Variants in IFT56 observed in about 807,000 individuals in gnomAD.
IFT56 encodes intraflagellar transport protein 56.
the IFT56 span, among the ~76,000 whole-genome samples, chr7:139,161,842 T>C: frequency 6.6e-6 from 1 of 152,218 alleles, no homozygotes; most frequent in Admixed American, 6.5e-5. Context: ...ATTTGGATAG[T>C]TACTACTATG....
chr7:139,178,358 G>A, the IFT56 span: 1 of 1,511,332 alleles, frequency 6.6e-7, no homozygotes, highest in African/African-American at 1.4e-5. Flanking sequence ...GAATGTGTCA[G>A]AGAAGATAAG....
At chr7:139,184,118 C>T in the IFT56 span, among the ~76,000 whole-genome samples, 1 of 152,204 alleles carries the variant, frequency 6.6e-6, no homozygotes, top group South Asian at 2.1e-4. Flanking sequence ...AGCCCCTGCC[C>T]ATGCACAGGA....
chr7:139,134,585 GA>G, the IFT56 span: 2 of 1,496,978 alleles, frequency 1.3e-6, no homozygotes, highest in Non-Finnish European at 1.8e-6. Flanking sequence ...ATAAATTACA[GA>G]GCTGTCACTC....
the IFT56 span, chr7:139,189,342 C>T: frequency 0.011 from 17,568 of 1,611,130 alleles, 189 homozygotes; most frequent in African/African-American, 0.031. Flanking sequence ...GAGAAGTGCT[C>T]CATTTACTGA....
the IFT56 span, among the ~76,000 whole-genome samples, chr7:139,151,612 T>C: frequency 4.6e-5 from 7 of 152,184 alleles, no homozygotes; most frequent in Non-Finnish European, 7.4e-5. Context: ...TGTAGGTTCT[T>C]GTGAAGATTA....
At chr7:139,189,610 G>A in the IFT56 span, 3 of 529,124 alleles carry the variant, frequency 5.7e-6, no homozygotes, top group Non-Finnish European at 1.0e-5. Context: ...TGAACAGAGT[G>A]CCATAGTCTG....
chr7:139,149,616 A>G, the IFT56 span, among the ~76,000 whole-genome samples: 1 of 152,208 alleles, frequency 6.6e-6, no homozygotes, highest in Non-Finnish European at 1.5e-5. Context: ...TCTGCTTGGT[A>G]CACGTCAACA....
chr7:139,135,984 C>T, the IFT56 span, among the ~76,000 whole-genome samples: 4 of 151,602 alleles, frequency 2.6e-5, no homozygotes, highest in East Asian at 5.8e-4. Flanking sequence ...AGTGCAATGG[C>T]GCAATCTCAG....
At chr7:139,182,614 G>A in the IFT56 span, among the ~76,000 whole-genome samples, 1 of 152,154 alleles carries the variant, frequency 6.6e-6, no homozygotes, top group Non-Finnish European at 1.5e-5. Flanking sequence ...AGATTTAGAA[G>A]TTAACCGTAG....
the IFT56 span, among the ~76,000 whole-genome samples, chr7:139,141,041 A>G: frequency 6.6e-6 from 1 of 150,826 alleles, no homozygotes; most frequent in African/African-American, 2.5e-5. Flanking sequence ...TGGGCGGATC[A>G]CGAGGTCAGG....
the IFT56 span, among the ~76,000 whole-genome samples, chr7:139,142,499 G>T: frequency 6.6e-6 from 1 of 152,046 alleles, no homozygotes; most frequent in African/African-American, 2.4e-5. Context: ...CATTTATTCA[G>T]AGATGTTAGG....
the IFT56 span, among the ~76,000 whole-genome samples, chr7:139,152,079 C>A: frequency 6.6e-6 from 1 of 152,234 alleles, no homozygotes. Context: ...AAAAAAGAAA[C>A]CATTTCCTAG....
chr7:139,172,334 A>G, the IFT56 span, among the ~76,000 whole-genome samples: 1 of 152,324 alleles, frequency 6.6e-6, no homozygotes, highest in Admixed American at 6.5e-5. Context: ...CACCCAGGAA[A>G]CAATTCCTAA....
At chr7:139,188,345 T>C in the IFT56 span, among the ~76,000 whole-genome samples, 3 of 151,940 alleles carry the variant, frequency 2.0e-5, no homozygotes, top group Non-Finnish European at 4.4e-5. Context: ...AGGTGATCCT[T>C]CCACCTCAGC....
At chr7:139,150,094 T>C in the IFT56 span, among the ~76,000 whole-genome samples, 1 of 152,180 alleles carries the variant, frequency 6.6e-6, no homozygotes, top group African/African-American at 2.4e-5. Context: ...AATCCTACCC[T>C]TGCCCTCCAA....
the IFT56 span, among the ~76,000 whole-genome samples, chr7:139,167,241 GTCTT>G: frequency 2.0e-5 from 3 of 152,154 alleles, no homozygotes; most frequent in Non-Finnish European, 4.4e-5. Flanking sequence ...TCTGTAACTT[GTCTT>G]TCTTCCCCAT....
the IFT56 span, among the ~76,000 whole-genome samples, chr7:139,166,342 A>T: frequency 7.9e-5 from 12 of 152,132 alleles, no homozygotes; most frequent in Admixed American, 3.3e-4. Context: ...TATTTTTATT[A>T]TGGAAAATTT....
chr7:139,133,984 T>A, the IFT56 span: 1 of 1,198,332 alleles, frequency 8.3e-7, no homozygotes. Context: ...CAGCTCTCCC[T>A]GTGTTCCCAC....
the IFT56 span, among the ~76,000 whole-genome samples, chr7:139,150,768 G>A: frequency 2.0e-5 from 3 of 152,142 alleles, no homozygotes. Flanking sequence ...AAAGTAAACA[G>A]GAAATAATTT....
Sources: allele counts gnomAD v4.1 joint callset (sites outside exome capture counted in the v4.1 genomes callset), GRCh38; gene constraint gnomAD v4.1.1; transcripts MANE v1.5; gene names NCBI Gene and HGNC (gene_info 2026-07-23, HGNC 2026-07-21).